AAK1: variants seen among roughly 807,000 people sequenced by gnomAD.
AAK1 encodes AP2 associated kinase 1.
AAK1 carries 37 observed loss-of-function variants against 116.0 expected under a neutral mutation model. The ratio of observed to expected loss-of-function variants is 0.32; its 90% CI spans 0.25 to 0.42. The LOEUF (loss-of-function observed/expected upper bound fraction) is 0.42, where lower values mean the gene tolerates loss of function less well. Ranked by LOEUF, AAK1 falls within the 10% of genes least tolerant of loss-of-function variation. The pLI is 1.00. For missense variants in AAK1, 919 were observed against 1,170.6 expected (o/e 0.79, Z 3.14); for synonymous variants, 458 against 439.9 (o/e 1.04, Z -0.51).
At chr2:69,503,226 A>C (rs1293616082) in intron 16 of AAK1, among the ~76,000 whole-genome samples, 2 of 152,246 alleles carry the variant, frequency 1.3e-5, no homozygotes. Flanking sequence ...AAATGACAAC[A>C]TTCTATTCAG....
In AAK1 at chr2:69,482,488, C is replaced by T. The variant is rs1403146201; in HGVS notation, c.2467+223G>A. The T allele has an allele frequency of 9.4e-6, 6 of 637,360 alleles. No homozygotes were observed. In the East Asian group the frequency reaches 1.4e-4, roughly 15 times the overall value. The allele number at this position is 637,360 out of a possible 1,614,324, so 39.5% of individuals were successfully genotyped here. On this transcript the variant is annotated intron_variant, in intron 18 of 21. Transcript: ENST00000409085. ...ACATTCCTCCTCATTCATAAGAGAT[C>T]CACTCTAGAAATCTCCAGATATCAA...
intron 2 of AAK1, among the ~76,000 whole-genome samples, chr2:69,586,642 G>A (rs944414657): frequency 3.9e-5 from 6 of 152,122 alleles, no homozygotes; most frequent in African/African-American, 1.2e-4. Context: ...GGAGTGTCTG[G>A]CTTCTGAGAT....
At chr2:69,640,800 C>G (rs1050448322) in intron 2 of AAK1, among the ~76,000 whole-genome samples, 1 of 152,214 alleles carries the variant, frequency 6.6e-6, no homozygotes, top group African/African-American at 2.4e-5. Context: ...TCAGTCACTT[C>G]CTTCAGAAAT....
In AAK1 at chr2:69,475,496, C is replaced by T. The variant is rs12151791; in HGVS notation, c.*373G>A. On this transcript the variant is annotated 3_prime_UTR_variant, in exon 22 of 22. Transcript: ENST00000409085. ...GGGTTGGGAGAATTGATCTGGGAGG[C>T]CATTCCTAGCAAGAACGAGACAAAA... 0.34 allele frequency: 348,731 copies of T among 1,020,450 alleles called. 62,371 individuals carry two copies. The highest frequency in any genetic ancestry group is 0.52 in the East Asian group (5,619 of 10,844). 63.2% of individuals were successfully genotyped at this position (1,020,450 alleles called of 1,614,324 possible).
intron 2 of AAK1, among the ~76,000 whole-genome samples, chr2:69,619,987 C>T (rs1233588348): frequency 6.6e-6 from 1 of 152,116 alleles, no homozygotes; most frequent in African/African-American, 2.4e-5. Flanking sequence ...CGCTTCTGAG[C>T]AGAGGAGTAA....
chr2:69,497,976 C>T (rs915134569), intron 16 of AAK1, among the ~76,000 whole-genome samples: 7 of 152,152 alleles, frequency 4.6e-5, no homozygotes, highest in African/African-American at 1.7e-4. Context: ...ATACCTCTGG[C>T]TCTGGGACCC....
In AAK1 at chr2:69,465,906, A is replaced by G; in HGVS notation, c.*9963T>C. 7.7e-7 allele frequency: 1 copy of G among 1,290,808 alleles called. No homozygotes were observed. The highest frequency in any genetic ancestry group is 1.0e-6 in the Non-Finnish European group (1 of 988,858). The allele number at this position is 1,290,808 out of a possible 1,614,324, so 80.0% of individuals were successfully genotyped here. ...CAGGGGGACATCACCTGTCTGACTG[A>G]GGAGACCGGTCTGTGCAGGCAGCTC... is the stretch of plus-strand genomic sequence containing the variant. On this transcript the variant is annotated 3_prime_UTR_variant, in exon 22 of 22. Transcript: ENST00000409085.
At chr2:69,628,002 T>C (rs895148275) in intron 2 of AAK1, among the ~76,000 whole-genome samples, 3 of 152,164 alleles carry the variant, frequency 2.0e-5, no homozygotes, top group Non-Finnish European at 2.9e-5. Context: ...ATCTGCAACA[T>C]CTAATTATTA....
intron 2 of AAK1, among the ~76,000 whole-genome samples, chr2:69,637,010 A>C (rs1400472119): frequency 6.6e-6 from 1 of 152,104 alleles, no homozygotes; most frequent in Non-Finnish European, 1.5e-5. Context: ...TATTTTAGAT[A>C]ATTTAAATAG....
chr2:69,520,085 C>G (rs1478099764), intron 11 of AAK1: 1 of 229,014 alleles, frequency 4.4e-6, no homozygotes, highest in African/African-American at 2.3e-5. Context: ...ATGCTTTCTA[C>G]CCAATCATCT....
chr2:69,501,905 AG>A (rs529477433), intron 16 of AAK1, among the ~76,000 whole-genome samples: 37 of 152,202 alleles, frequency 2.4e-4, no homozygotes, highest in Admixed American at 3.9e-4. Flanking sequence ...CAGGAGGCAG[AG>A]GTTGCAGTGA....
intron 3 of AAK1, among the ~76,000 whole-genome samples, chr2:69,547,166 AG>A (rs1409062101): frequency 6.6e-6 from 1 of 152,238 alleles, no homozygotes; most frequent in African/African-American, 2.4e-5. Flanking sequence ...AATCCCTCAA[AG>A]AAAACATACG....
intron 16 of AAK1, among the ~76,000 whole-genome samples, chr2:69,501,822 T>A (rs1391413903): frequency 6.6e-6 from 1 of 151,958 alleles, no homozygotes; most frequent in Non-Finnish European, 1.5e-5. Context: ...ATACAAAACA[T>A]TAGCTGGGCA....
intron 2 of AAK1, among the ~76,000 whole-genome samples, chr2:69,564,673 C>T (rs1671788585): frequency 6.6e-6 from 1 of 152,176 alleles, no homozygotes; most frequent in Admixed American, 6.5e-5. Context: ...AATCCTGGCT[C>T]AGGTAAGCTA....
chr2:69,547,378 T>A (rs1160601959), intron 3 of AAK1, among the ~76,000 whole-genome samples: 1 of 152,194 alleles, frequency 6.6e-6, no homozygotes, highest in African/African-American at 2.4e-5. Flanking sequence ...AAGGATTTAG[T>A]GTCCAGAATA....
chr2:69,578,822 C>G (rs1218599112), intron 2 of AAK1, among the ~76,000 whole-genome samples: 1 of 116,168 alleles, frequency 8.6e-6, no homozygotes, highest in African/African-American at 3.4e-5. Context: ...TTTTTTTTTT[C>G]AGACGGAGTC....
intron 2 of AAK1, among the ~76,000 whole-genome samples, chr2:69,578,284 G>A (rs764898584): frequency 6.6e-6 from 1 of 152,184 alleles, no homozygotes; most frequent in African/African-American, 2.4e-5. Flanking sequence ...TCTGAATGCT[G>A]AATAGTAAGA....
chr2:69,608,829 C>T (rs1463893191), intron 2 of AAK1, among the ~76,000 whole-genome samples: 1 of 152,172 alleles, frequency 6.6e-6, no homozygotes, highest in African/African-American at 2.4e-5. Context: ...TATACACTAA[C>T]AGCGAATAAT....
intron 2 of AAK1, among the ~76,000 whole-genome samples, chr2:69,637,449 G>T (rs1256593493): frequency 2.5e-4 from 38 of 152,244 alleles, no homozygotes; most frequent in Non-Finnish European, 1.0e-4. Flanking sequence ...ACTGAATAAG[G>T]GAGTGAATGA....
Sources: allele counts gnomAD v4.1 joint callset (sites outside exome capture counted in the v4.1 genomes callset), GRCh38; gene constraint gnomAD v4.1.1; transcripts MANE v1.5; gene names NCBI Gene and HGNC (gene_info 2026-07-23, HGNC 2026-07-21).